SRPK1: variants seen among roughly 807,000 people sequenced by gnomAD.
SRPK1 encodes SFRS protein kinase 1.
Under a neutral mutation model 89.5 loss-of-function variants are expected in SRPK1, and 52 were observed. That is an observed-to-expected ratio of 0.58 (90% CI 0.46 to 0.73). SRPK1 has a LOEUF of 0.73. Ranked by LOEUF, SRPK1 falls within the 30% of genes least tolerant of loss-of-function variation. The probability of loss-of-function intolerance (pLI) is 0.00; values close to 1 mark genes in which losing one functional copy is unlikely to be tolerated. For missense variants in SRPK1, 603 were observed against 780.6 expected (o/e 0.77, Z 2.71); for synonymous variants, 255 against 270.2 (o/e 0.94, Z 0.55).
chr6:35,876,298 T>C (rs1002811958), intron 6 of SRPK1, among the ~76,000 whole-genome samples: 1 of 152,110 alleles, frequency 6.6e-6, no homozygotes, highest in Non-Finnish European at 1.5e-5. Context: ...AAGTCTAAAA[T>C]GGTACAAGCA....
At position 35,872,609 on chromosome 6, in the gene SRPK1, T is replaced by C; in HGVS notation, c.705A>G (p.Ala235=). 6.2e-7 allele frequency: 1 copy of C among 1,612,396 alleles called. No individual in the cohort carries two copies. The part of the protein sequence containing the change: ...EQYIRRLAAE[A]TEWQRSGAPP... ...GAGCTCCAGATCGCTGCCATTCTGT[T>C]GCTTCTGCAGCCAGCCTCCGAATGT... The change falls in exon 8 of 16, where the codon GCA becomes GCG. Residue 235 remains alanine (A), a synonymous_variant. Coordinates refer to ENST00000373825, the MANE Select transcript of SRPK1 (RefSeq NM_003137.5).
intron 15 of SRPK1, 51 bp downstream of exon 15, chr6:35,838,286 C>T: frequency 7.5e-7 from 1 of 1,325,616 alleles, no homozygotes; most frequent in East Asian, 2.6e-5. Flanking sequence ...CTTACCTCTT[C>T]ATTTTTAAAC....
At chr6:35,912,735 A>G (rs1161222125) in intron 2 of SRPK1, among the ~76,000 whole-genome samples, 4 of 152,242 alleles carry the variant, frequency 2.6e-5, no homozygotes, top group African/African-American at 9.6e-5. Flanking sequence ...AACCCCACAA[A>G]AAAGTGCCAG....
chr6:35,861,235 AAG>A (rs1292330775), intron 12 of SRPK1, among the ~76,000 whole-genome samples: 1 of 152,196 alleles, frequency 6.6e-6, no homozygotes, highest in Non-Finnish European at 1.5e-5. Flanking sequence ...GGCATACAGT[AAG>A]AGAGAAATCC....
intron 13 of SRPK1, among the ~76,000 whole-genome samples, chr6:35,854,668 A>G (rs1473327471): frequency 6.6e-6 from 1 of 152,188 alleles, no homozygotes. Flanking sequence ...ACTTTATTAA[A>G]TATCAAGCAG....
intron 12 of SRPK1, among the ~76,000 whole-genome samples, chr6:35,865,702 C>T (rs1457619563): frequency 6.6e-6 from 1 of 152,146 alleles, no homozygotes; most frequent in African/African-American, 2.4e-5. Context: ...AAAAAGACAT[C>T]CTTTTCAATA....
chr6:35,860,861 G>A (rs774879962), intron 12 of SRPK1, among the ~76,000 whole-genome samples: 1 of 152,108 alleles, frequency 6.6e-6, no homozygotes, highest in African/African-American at 2.4e-5. Context: ...TAGGTGTTCA[G>A]GGGAAGAGCT....
chr6:35,841,756 AG>A (rs1354931006), intron 14 of SRPK1, among the ~76,000 whole-genome samples: 4 of 138,556 alleles, frequency 2.9e-5, no homozygotes, highest in African/African-American at 1.1e-4. Context: ...CGCTTGAACG[AG>A]GGAAGTGGAG....
chr6:35,875,610 A>G (rs1055774288), intron 6 of SRPK1, among the ~76,000 whole-genome samples: 4 of 152,224 alleles, frequency 2.6e-5, no homozygotes, highest in Admixed American at 2.0e-4. Flanking sequence ...CAGGAGGAAG[A>G]GAAACATCTT....
chr6:35,869,612 G>A lies in SRPK1; in HGVS notation c.1281C>T (p.Cys427=). ...ITSEVSDTMV[C]QSSSTVGQSF... is the part of the protein sequence containing the mutation. ...ACTGACCTACAGTTGAGGAAGACTG[G>A]CACACCATGGTGTCTGACACCTCAG... The change falls in exon 11 of 16, where the codon TGC becomes TGT. Residue 427 remains cysteine, a synonymous_variant. Coordinates refer to ENST00000373825, the MANE Select transcript of SRPK1 (RefSeq NM_003137.5). 13 of 1,613,960 alleles carry A rather than the reference G, an allele frequency of 8.1e-6. No individual in the cohort carries two copies. The highest frequency in any genetic ancestry group is 1.1e-5 in the Non-Finnish European group (13 of 1,179,878).
At chr6:35,839,469 A>G (rs1769255849) in intron 14 of SRPK1, among the ~76,000 whole-genome samples, 1 of 152,250 alleles carries the variant, frequency 6.6e-6, no homozygotes, top group African/African-American at 2.4e-5. Flanking sequence ...CACTTTTTAA[A>G]AGTAAAGATT....
At chr6:35,882,792 C>G (rs2127254265) in intron 6 of SRPK1, among the ~76,000 whole-genome samples, 1 of 151,976 alleles carries the variant, frequency 6.6e-6, no homozygotes, top group East Asian at 1.9e-4. Context: ...TGAAATTTAC[C>G]AATGATTCTG....
intron 6 of SRPK1, among the ~76,000 whole-genome samples, chr6:35,881,769 CAG>C (rs1033278998): frequency 9.9e-5 from 15 of 151,374 alleles, no homozygotes; most frequent in African/African-American, 3.6e-4. Context: ...CAAAAACTGA[CAG>C]AATTAAAGGG....
At chr6:35,894,821 T>C (rs1223696206) in intron 2 of SRPK1, among the ~76,000 whole-genome samples, 1 of 152,278 alleles carries the variant, frequency 6.6e-6, no homozygotes, top group East Asian at 1.9e-4. Context: ...CATTGAAACT[T>C]ATCTCCCATT....
At position 35,835,141 on chromosome 6, in the gene SRPK1, G is replaced by GGT; in HGVS notation, c.*162_*163insAC. On this transcript the variant is annotated 3_prime_UTR_variant, in exon 16 of 16. Transcript: ENST00000373825. ...CCCAATGGCTGTGGGGATCTCCACA[G>GGT]GGTCAAGTAAGCAAACCCAAATGAA... 1 of 673,938 alleles carries GGT rather than the reference G, an allele frequency of 1.5e-6. No individual in the cohort carries two copies. Among genetic ancestry groups the GGT allele is most frequent in the Non-Finnish European group, 2.4e-6 (1 of 423,312 alleles). 41.7% of individuals were successfully genotyped at this position (673,938 alleles called of 1,614,324 possible).
Position 35,869,672 on chromosome 6 carries a change from T to C in SRPK1, c.1221A>G (p.Thr407=), listed in dbSNP as rs1470133476. 6.2e-7 allele frequency: 1 copy of C among 1,614,026 alleles called. No individual in the cohort carries two copies. The highest frequency in any genetic ancestry group is 1.1e-5 in the South Asian group (1 of 91,074). Residue 407 remains threonine, a synonymous_variant, in exon 11 of 16, where the codon ACA becomes ACG. Coordinates refer to ENST00000373825, the MANE Select transcript of SRPK1 (RefSeq NM_003137.5). ...GTGTACAAGAGTCTGTTTCTTGAGA[T>C]GTGCTGCTGTCTCCATTTTGGGAGC... ...FLSSQNGDSS[T]SQETDSCTPI...
At chr6:35,846,399 T>C (rs1769427661) in intron 13 of SRPK1, among the ~76,000 whole-genome samples, 2 of 152,088 alleles carry the variant, frequency 1.3e-5, no homozygotes, top group African/African-American at 2.4e-5. Flanking sequence ...GAGACCAGCC[T>C]GGGCAACATG....
intron 13 of SRPK1, 40 bp from the exon 14 acceptor site, chr6:35,842,644 A>G: frequency 1.3e-6 from 2 of 1,522,384 alleles, no homozygotes; most frequent in Non-Finnish European, 1.8e-6. Flanking sequence ...GCACAAAAGA[A>G]AAGAAGGCCT....
chr6:35,863,683 CA>C (rs201506926), intron 12 of SRPK1, among the ~76,000 whole-genome samples: 1 of 150,190 alleles, frequency 6.7e-6, no homozygotes, highest in Non-Finnish European at 1.5e-5. Context: ...TGAGGGATTT[CA>C]AAAAAAAGCT....
Sources: gnomAD v4.1 joint callset for allele counts (sites outside exome capture counted in the v4.1 genomes callset) on GRCh38, gnomAD v4.1.1 for gene constraint, MANE v1.5 for transcripts, NCBI Gene and HGNC (gene_info 2026-07-23, HGNC 2026-07-21) for gene names.